Variants in TAF1 observed in about 807,000 individuals in gnomAD.
TAF1 encodes TATA-box binding protein associated factor 1, also known as transcription initiation factor TFIID subunit 1.
A neutral mutation model predicts 138.5 loss-of-function variants in TAF1; 2 were observed. The ratio of observed to expected loss-of-function variants is 0.01; its 90% CI spans 0.01 to 0.05. The LOEUF (loss-of-function observed/expected upper bound fraction) is 0.05, where lower values mean the gene tolerates loss of function less well. Among genes scored for constraint, TAF1 ranks in the 10% least tolerant of loss-of-function variants. TAF1 has a pLI of 1.00. For synonymous variants in TAF1, 437 were observed against 503.2 expected (o/e 0.87, Z 1.76); for missense variants, 709 against 1,478.0 (o/e 0.48, Z 8.53).
At chrX:71,428,787 A>G (rs1602642154) in intron 32 of TAF1, among the ~76,000 whole-genome samples, 1 of 111,775 alleles carries the variant, frequency 8.9e-6, no homozygotes, top group African/African-American at 3.2e-5. Flanking sequence ...AATGCTCACA[A>G]TGTTAAGTGA....
downstream of TAF1, among the ~76,000 whole-genome samples, chrX:71,468,283 T>TG (rs1167178159): frequency 1.8e-5 from 2 of 109,331 alleles, no homozygotes; most frequent in South Asian, 4.0e-4. Flanking sequence ...TTCATACCCT[T>TG]GCATCTAGTA....
chrX:71,433,871 A>T (rs1438152883), intron 32 of TAF1, among the ~76,000 whole-genome samples: 1 of 110,615 alleles, frequency 9.0e-6, no homozygotes, highest in Admixed American at 9.7e-5. Flanking sequence ...GAGAATAGGA[A>T]ACTTCTGAAT....
intron 13 of TAF1, among the ~76,000 whole-genome samples, chrX:71,524,018 TC>T (rs1198664070): frequency 1.4e-4 from 15 of 107,218 alleles, no homozygotes; most frequent in East Asian, 2.9e-4. Flanking sequence ...CTGTAATAGT[TC>T]TTTTTTTTTT....
At chrX:71,449,805 C>T (rs751198261) in intron 32 of TAF1, among the ~76,000 whole-genome samples, 12 of 111,995 alleles carry the variant, frequency 1.1e-4, no homozygotes, top group Non-Finnish European at 1.9e-4. Context: ...TGAAGTCTTG[C>T]TGTGTCACTG....
intron 12 of TAF1, among the ~76,000 whole-genome samples, chrX:71,383,664 T>C (rs2034034507): frequency 8.9e-6 from 1 of 112,189 alleles, no homozygotes; most frequent in African/African-American, 3.2e-5. Flanking sequence ...TTGTTAACAC[T>C]GTTATTGGTT....
chrX:71,472,640 G>A (rs1246131463), intron 13 of TAF1, among the ~76,000 whole-genome samples: 2 of 111,800 alleles, frequency 1.8e-5, no homozygotes, highest in African/African-American at 6.5e-5. Context: ...GGCTGAGGTA[G>A]AAGAATCGCT....
chrX:71,394,305 T>G, intron 22 of TAF1, 60 bp downstream of exon 22: 1 of 1,116,596 alleles, frequency 9.0e-7, no homozygotes, highest in Non-Finnish European at 1.2e-6. Flanking sequence ...GGAGCCTACG[T>G]AACTGCAGAC....
At chrX:71,371,799 T>G (rs2033077709) in intron 3 of TAF1, among the ~76,000 whole-genome samples, 1 of 112,055 alleles carries the variant, frequency 8.9e-6, no homozygotes, top group Admixed American at 9.5e-5. Context: ...GGCTTGGATT[T>G]CTCATTTGTA....
intron 28 of TAF1, among the ~76,000 whole-genome samples, chrX:71,410,248 T>C (rs918450174): frequency 2.7e-5 from 3 of 110,338 alleles, no homozygotes; most frequent in African/African-American, 9.9e-5. Flanking sequence ...GTTATAACCC[T>C]CATTTTCCAG....
intron 18 of TAF1, among the ~76,000 whole-genome samples, chrX:71,390,570 A>C (rs1276984001): frequency 9.0e-6 from 1 of 111,554 alleles, no homozygotes; most frequent in Non-Finnish European, 1.9e-5. Context: ...CCCAGGCTGT[A>C]CCGTGGTGAG....
At chrX:71,494,834 G>A (rs1327970587) in intron 13 of TAF1, among the ~76,000 whole-genome samples, 2 of 112,227 alleles carry the variant, frequency 1.8e-5, no homozygotes, top group Non-Finnish European at 3.8e-5. Context: ...CATGGAAGGG[G>A]ACCTGAGCGG....
intron 8 of TAF1, 124 bp downstream of exon 8, chrX:71,379,155 GC>G: frequency 1.4e-6 from 1 of 702,964 alleles, no homozygotes; most frequent in Non-Finnish European, 2.0e-6. Flanking sequence ...CGCTCTTGTT[GC>G]CCAGGATGGA....
At chrX:71,411,472 C>CT (rs1476180521) in intron 28 of TAF1, among the ~76,000 whole-genome samples, 1 of 110,531 alleles carries the variant, frequency 9.0e-6, no homozygotes, top group East Asian at 2.8e-4. Flanking sequence ...GAGCGAGACT[C>CT]TGTCTCAAAA....
At chrX:71,409,552 G>C (rs968482198) in intron 28 of TAF1, among the ~76,000 whole-genome samples, 2 of 111,939 alleles carry the variant, frequency 1.8e-5, no homozygotes, top group African/African-American at 6.5e-5. Context: ...TCGGAGTACA[G>C]ATAGAGTGTA....
In TAF1 at chrX:71,397,481, C is replaced by G; in HGVS notation, c.3620+15C>G. The G allele has an allele frequency of 8.3e-7, 1 of 1,209,776 alleles. No homozygotes were observed. The highest frequency in any genetic ancestry group is 1.7e-5 in the African/African-American group (1 of 57,695). On this transcript the variant is annotated intron_variant, in intron 23 of 37. Transcript: ENST00000423759. Reference sequence around the variant, plus strand: ...GAGGAATTCATGTGAGTTTGATTTACCACTTCCTTTTTTTTCTTTGAGGAC... The same window carrying G: ...GAGGAATTCATGTGAGTTTGATTTAGCACTTCCTTTTTTTTCTTTGAGGAC...
chrX:71,383,255 T>C (rs2034006229), intron 12 of TAF1, 91 bp downstream of exon 12: 9 of 986,417 alleles, frequency 9.1e-6, no homozygotes, highest in Non-Finnish European at 1.1e-5. Context: ...TATTAGGGAA[T>C]TGGTTATTTT....
chrX:71,402,027 A>G (rs2035199024), intron 25 of TAF1, among the ~76,000 whole-genome samples: 1 of 112,283 alleles, frequency 8.9e-6, no homozygotes, highest in African/African-American at 3.2e-5. Flanking sequence ...ACAGACTACA[A>G]AGCATACAGT....
rs779146852 is a variant in TAF1 at position 71,528,549 on chromosome X, T to C, written c.1375T>C (p.Ter459ArgextTer28). Residue 459 changes from the stop codon to arginine, a stop_lost and NMD_transcript_variant, in exon 14 of 15, where the codon TGA becomes CGA. Transcript: ENST00000373775. Reference sequence around the variant, plus strand: ...CATTGTAACTCCTTACAGGTACCAATGAACAAGCCATTCAGAGATGGATCC... The same window carrying C: ...CATTGTAACTCCTTACAGGTACCAACGAACAAGCCATTCAGAGATGGATCC... 3 of 328,448 alleles carry C rather than the reference T, an allele frequency of 9.1e-6. No individual in the cohort carries two copies. In the East Asian group the frequency reaches 2.9e-4, roughly 32 times the overall value. The allele number at this position is 328,448 out of a possible 1,213,427, so 27.1% of individuals were successfully genotyped here.
At chrX:71,462,779 T>G (rs2038607158) in intron 37 of TAF1, among the ~76,000 whole-genome samples, 1 of 108,651 alleles carries the variant, frequency 9.2e-6, no homozygotes, top group African/African-American at 3.6e-5. Flanking sequence ...GAGAGAGGCT[T>G]ATTTATTTAT....
Sources: gnomAD v4.1 joint callset for allele counts (sites outside exome capture counted in the v4.1 genomes callset) on GRCh38, gnomAD v4.1.1 for gene constraint, MANE v1.5 for transcripts, NCBI Gene and HGNC (gene_info 2026-07-23, HGNC 2026-07-21) for gene names.